Variants in DYM observed in about 807,000 individuals in gnomAD.
DYM encodes dyggve-Melchior-Clausen syndrome protein.
DYM carries 78 observed loss-of-function variants against 93.1 expected under a neutral mutation model. That is an observed-to-expected ratio of 0.84 (90% CI 0.70 to 1.01). DYM has a LOEUF of 1.01. Ranked by LOEUF, DYM falls within the 50% of genes least tolerant of loss-of-function variation. The pLI is 0.00. For synonymous variants in DYM, 321 were observed against 319.7 expected (o/e 1.00, Z -0.04); for missense variants, 789 against 845.0 (o/e 0.93, Z 0.82).
chr18:49,398,735 A>G (rs2070424683), intron 2 of DYM, among the ~76,000 whole-genome samples: 1 of 152,194 alleles, frequency 6.6e-6, no homozygotes, highest in African/African-American at 2.4e-5. Context: ...GGCATATAGT[A>G]AGTAAAACTG....
chr18:49,121,589 A>T (rs1267030856), intron 15 of DYM, among the ~76,000 whole-genome samples: 1 of 152,188 alleles, frequency 6.6e-6, no homozygotes, highest in Non-Finnish European at 1.5e-5. Context: ...AACAAAAACC[A>T]AAAGAACCCA....
At chr18:49,215,136 G>C (rs2092970937) in intron 13 of DYM, among the ~76,000 whole-genome samples, 1 of 152,176 alleles carries the variant, frequency 6.6e-6, no homozygotes, top group African/African-American at 2.4e-5. Flanking sequence ...CTTCTACCCA[G>C]TAATGAAACA....
At chr18:49,057,347 T>G (rs1283409372) in intron 17 of DYM, among the ~76,000 whole-genome samples, 2 of 152,216 alleles carry the variant, frequency 1.3e-5, no homozygotes, top group Admixed American at 6.5e-5. Context: ...TGCTGCTCCT[T>G]GAGCCCAGGT....
intron 11 of DYM, among the ~76,000 whole-genome samples, chr18:49,266,105 A>C (rs2094566293): frequency 6.6e-6 from 1 of 152,132 alleles, no homozygotes; most frequent in South Asian, 2.1e-4. Context: ...CTGTCTCAAA[A>C]AAATTTTTAC....
intron 2 of DYM, among the ~76,000 whole-genome samples, chr18:49,408,473 G>A (rs577848375): frequency 2.0e-5 from 3 of 152,310 alleles, no homozygotes; most frequent in Non-Finnish European, 4.4e-5. Context: ...GAACACTTCT[G>A]TTCTGATGAA....
intron 1 of DYM, among the ~76,000 whole-genome samples, chr18:49,445,106 T>TA (rs1272792605): frequency 5.3e-5 from 8 of 152,318 alleles, no homozygotes; most frequent in Admixed American, 1.3e-4. Flanking sequence ...GCTTTATTAA[T>TA]AAAAAACTTG....
At chr18:49,289,061 G>A (rs534618228) in intron 8 of DYM, among the ~76,000 whole-genome samples, 48 of 152,216 alleles carry the variant, frequency 3.2e-4, no homozygotes, top group African/African-American at 1.1e-3. Context: ...CAACAGAAGA[G>A]AAATTAGGTC....
chr18:49,128,014 A>G (rs2082986679), intron 15 of DYM, among the ~76,000 whole-genome samples: 1 of 152,224 alleles, frequency 6.6e-6, no homozygotes, highest in Non-Finnish European at 1.5e-5. Context: ...CTCAACCACA[A>G]CACTCTGGAA....
intron 13 of DYM, among the ~76,000 whole-genome samples, chr18:49,218,656 C>T (rs1224766109): frequency 6.6e-6 from 1 of 152,000 alleles, no homozygotes; most frequent in African/African-American, 2.4e-5. Context: ...TGAATGACTA[C>T]TGGGTATATA....
intron 17 of DYM, among the ~76,000 whole-genome samples, chr18:49,092,383 A>G (rs2079125727): frequency 6.6e-6 from 1 of 152,188 alleles, no homozygotes; most frequent in South Asian, 2.1e-4. Context: ...GTTTCTCTTC[A>G]GTGTTCCCTG....
intron 8 of DYM, among the ~76,000 whole-genome samples, chr18:49,325,166 G>A (rs1421374408): frequency 1.3e-5 from 2 of 152,146 alleles, no homozygotes; most frequent in African/African-American, 4.8e-5. Flanking sequence ...ACTAGCTCCA[G>A]TTTTGCAAAG....
intron 15 of DYM, among the ~76,000 whole-genome samples, chr18:49,147,217 A>G (rs1444953814): frequency 6.6e-6 from 1 of 152,178 alleles, no homozygotes; most frequent in African/African-American, 2.4e-5. Flanking sequence ...AAAGACTTAG[A>G]TGTTAGACCT....
intron 15 of DYM, among the ~76,000 whole-genome samples, chr18:49,150,632 G>C (rs980413364): frequency 2.6e-5 from 4 of 152,118 alleles, no homozygotes; most frequent in African/African-American, 9.7e-5. Flanking sequence ...ATTTTGTTAC[G>C]GCATCTTGAG....
intron 16 of DYM, among the ~76,000 whole-genome samples, chr18:49,109,354 T>C (rs1014561930): frequency 1.3e-5 from 2 of 152,224 alleles, no homozygotes; most frequent in East Asian, 1.9e-4. Context: ...TTCTATTTTA[T>C]CTTCATCTTT....
chr18:49,219,604 A>G (rs1442396240), intron 13 of DYM, among the ~76,000 whole-genome samples: 1 of 152,196 alleles, frequency 6.6e-6, no homozygotes, highest in African/African-American at 2.4e-5. Context: ...GGTTCAATAT[A>G]TGCAAATCAA....
At chr18:49,221,581 A>G (rs1415635952) in intron 13 of DYM, among the ~76,000 whole-genome samples, 1 of 152,236 alleles carries the variant, frequency 6.6e-6, no homozygotes, top group Non-Finnish European at 1.5e-5. Flanking sequence ...CAGCCATAAA[A>G]GATGATGAGT....
At chr18:49,287,853 T>C (rs916493160) in intron 8 of DYM, among the ~76,000 whole-genome samples, 1 of 119,236 alleles carries the variant, frequency 8.4e-6, no homozygotes, top group Non-Finnish European at 1.7e-5. Context: ...AAAAAAAAAA[T>C]GCACTGTCCA....
intron 1 of DYM, among the ~76,000 whole-genome samples, chr18:49,436,834 AAGAAAT>A (rs1416880050): frequency 2.6e-5 from 4 of 152,174 alleles, no homozygotes; most frequent in African/African-American, 9.7e-5. Context: ...ACCAGATCAA[AAGAAAT>A]GAAAATCATA....
At chr18:49,253,229 A>C (rs1339358223) in intron 13 of DYM, among the ~76,000 whole-genome samples, 1 of 152,224 alleles carries the variant, frequency 6.6e-6, no homozygotes, top group Non-Finnish European at 1.5e-5. Flanking sequence ...AGGATTTAGG[A>C]ATCATGTATA....
Sources: gnomAD v4.1 joint callset for allele counts (sites outside exome capture counted in the v4.1 genomes callset) on GRCh38, gnomAD v4.1.1 for gene constraint, MANE v1.5 for transcripts, NCBI Gene and HGNC (gene_info 2026-07-23, HGNC 2026-07-21) for gene names.